The following WWOX variants were observed in gnomAD, a reference collection of about 807,000 sequenced individuals.
WWOX encodes the protein WW domain containing oxidoreductase.
Under a neutral mutation model 46.2 loss-of-function variants are expected in WWOX, and 69 were observed. That is an observed-to-expected ratio of 1.49 (90% confidence interval 1.23 to 1.82). The LOEUF (loss-of-function observed/expected upper bound fraction) is 1.82, where lower values mean the gene tolerates loss of function less well. Ranked by LOEUF, WWOX falls within the 40% of genes most tolerant of loss-of-function variation. The pLI is 0.00. For missense variants in WWOX, 919 were observed against 542.6 expected (o/e 1.69, Z -6.89); for synonymous variants, 359 against 202.6 (o/e 1.77, Z -6.56).
chr16:78,463,493 A>C (rs1030221959), intron 8 of WWOX, among the ~76,000 whole-genome samples: 4 of 152,212 alleles, frequency 2.6e-5, no homozygotes, highest in African/African-American at 9.6e-5. Context: ...TGTGCTGAGT[A>C]GCTGTCATTA....
At chr16:78,687,034 G>C (rs971954453) in intron 8 of WWOX, among the ~76,000 whole-genome samples, 1 of 152,210 alleles carries the variant, frequency 6.6e-6, no homozygotes, top group African/African-American at 2.4e-5. Context: ...TGGCCAACAA[G>C]AGAGTAGGGA....
At chr16:78,638,762 G>T (rs539260172) in intron 8 of WWOX, among the ~76,000 whole-genome samples, 13 of 152,270 alleles carry the variant, frequency 8.5e-5, no homozygotes, top group African/African-American at 3.1e-4. Flanking sequence ...TCTCTGGGTT[G>T]GGAGGAGATG....
intron 8 of WWOX, among the ~76,000 whole-genome samples, chr16:78,488,580 G>A (rs58223199): frequency 0.018 from 2,796 of 152,228 alleles, 70 homozygotes; most frequent in African/African-American, 0.057. Flanking sequence ...TGGGTCCTCA[G>A]GTAGCTGACC....
chr16:78,825,703 G>T (rs1398649805), intron 8 of WWOX: 1 of 550,568 alleles, frequency 1.8e-6, no homozygotes, highest in Non-Finnish European at 3.5e-6. Context: ...GGGAGACTCT[G>T]AGGACAGAGG....
intron 4 of WWOX, among the ~76,000 whole-genome samples, chr16:78,126,552 C>T (rs2033370065): frequency 6.6e-6 from 1 of 151,864 alleles, no homozygotes; most frequent in Non-Finnish European, 1.5e-5. Flanking sequence ...TGATTGCTTG[C>T]CTCATGTGCT....
At chr16:78,434,458 G>C (rs979314463) in intron 8 of WWOX, among the ~76,000 whole-genome samples, 1 of 152,180 alleles carries the variant, frequency 6.6e-6, no homozygotes, top group Non-Finnish European at 1.5e-5. Flanking sequence ...TACATGAAAA[G>C]AAGGAATATG....
At chr16:78,502,900 A>T (rs546992183) in intron 8 of WWOX, among the ~76,000 whole-genome samples, 6 of 152,274 alleles carry the variant, frequency 3.9e-5, no homozygotes, top group Non-Finnish European at 7.4e-5. Flanking sequence ...GGCGTTTTCT[A>T]TTCTGGGCCT....
At chr16:78,506,338 C>G (rs1259800895) in intron 8 of WWOX, among the ~76,000 whole-genome samples, 1 of 152,170 alleles carries the variant, frequency 6.6e-6, no homozygotes. Flanking sequence ...CTTAGCCACT[C>G]TATAAAAATG....
chr16:79,142,183 A>T (rs2050102757), intron 8 of WWOX, among the ~76,000 whole-genome samples: 1 of 151,376 alleles, frequency 6.6e-6, no homozygotes, highest in Non-Finnish European at 1.5e-5. Context: ...TATTCCAGGG[A>T]TGGAGGTGAC....
At chr16:79,035,006 T>G (rs970578552) in intron 8 of WWOX, among the ~76,000 whole-genome samples, 5 of 152,336 alleles carry the variant, frequency 3.3e-5, no homozygotes, top group South Asian at 2.1e-4. Flanking sequence ...TCATTAATGG[T>G]TAATAATATT....
chr16:79,188,146 G>T lies in WWOX; in HGVS notation c.1057-23462G>T, dbSNP rs145432684. On this transcript the variant is annotated intron_variant, in intron 8 of 8. Coordinates refer to ENST00000566780, the MANE Select transcript of WWOX (RefSeq NM_016373.4). ...CTCCTTCCTGGAATGTGCCACAGAAGAAAACCCACGAAGTCTTGAGCTAAA... is the reference window on the plus strand; with the variant it reads ...CTCCTTCCTGGAATGTGCCACAGAATAAAACCCACGAAGTCTTGAGCTAAA... Among the ~76,000 whole-genome samples the T allele has an allele frequency of 1.8e-4, 27 of 152,284 alleles. No individual in the cohort carries two copies. The East Asian group carries it at 3.7e-3, about 21-fold the overall frequency.
intron 8 of WWOX, among the ~76,000 whole-genome samples, chr16:78,515,099 C>T (rs376397199): frequency 5.9e-5 from 9 of 152,292 alleles, no homozygotes; most frequent in Admixed American, 2.6e-4. Context: ...TGGTTCACGC[C>T]TGTAATTGCA....
At chr16:78,778,894 A>T (rs748063520) in intron 8 of WWOX, among the ~76,000 whole-genome samples, 1 of 152,132 alleles carries the variant, frequency 6.6e-6, no homozygotes, top group South Asian at 2.1e-4. Context: ...TCATTTTCCC[A>T]TAAGGTGGTG....
chr16:78,187,047 A>G (rs971713587), intron 5 of WWOX, among the ~76,000 whole-genome samples: 9 of 152,312 alleles, frequency 5.9e-5, no homozygotes, highest in African/African-American at 2.2e-4. Flanking sequence ...TAACATATAT[A>G]CATTTGGTTT....
intron 4 of WWOX, among the ~76,000 whole-genome samples, chr16:78,124,598 T>C (rs953880892): frequency 3.9e-5 from 6 of 152,324 alleles, no homozygotes; most frequent in African/African-American, 1.4e-4. Context: ...TTGCCTAAAT[T>C]TGTGATCTCC....
chr16:78,576,785 T>C (rs1308000951), intron 8 of WWOX, among the ~76,000 whole-genome samples: 2 of 152,214 alleles, frequency 1.3e-5, no homozygotes, highest in Admixed American at 6.5e-5. Flanking sequence ...GAGCTATGAT[T>C]GTGCCACTGC....
chr16:79,179,192 G>C (rs535471381), intron 8 of WWOX, among the ~76,000 whole-genome samples: 3 of 152,208 alleles, frequency 2.0e-5, no homozygotes, highest in African/African-American at 7.2e-5. Flanking sequence ...CAAAAGTGTA[G>C]CATTAAACTC....
intron 5 of WWOX, among the ~76,000 whole-genome samples, chr16:78,347,132 C>T (rs1209919056): frequency 1.7e-5 from 2 of 118,714 alleles, no homozygotes; most frequent in South Asian, 2.6e-4. Context: ...GGTGTGCAGT[C>T]ATCGTCACAA....
At chr16:78,936,267 T>G (rs1450455037) in intron 8 of WWOX, among the ~76,000 whole-genome samples, 2 of 152,124 alleles carry the variant, frequency 1.3e-5, no homozygotes, top group African/African-American at 4.8e-5. Flanking sequence ...GACCTGGGCC[T>G]TCAACCCTTG....
Sources: gnomAD v4.1 joint callset for allele counts (sites outside exome capture counted in the v4.1 genomes callset) on GRCh38, gnomAD v4.1.1 for gene constraint, MANE v1.5 for transcripts, NCBI Gene and HGNC (gene_info 2026-07-23, HGNC 2026-07-21) for gene names.